Variants in TPTE observed in about 807,000 individuals in gnomAD.
The protein encoded by TPTE is transmembrane phosphatase with tensin homology.
A neutral mutation model predicts 84.1 loss-of-function variants in TPTE; 59 were observed. The observed-to-expected ratio is 0.70, with a 90% CI of 0.57 to 0.87. The LOEUF (loss-of-function observed/expected upper bound fraction) is 0.87. Ranked by LOEUF, TPTE falls within the 40% of genes least tolerant of loss-of-function variation. The pLI, the probability that TPTE is intolerant of heterozygous loss-of-function variation, is 0.00. For missense variants in TPTE, 382 were observed against 659.6 expected (o/e 0.58, Z 4.61); for synonymous variants, 130 against 223.5 (o/e 0.58, Z 3.73).
In TPTE at chr21:10,561,204, A is replaced by G. The variant is rs201177847; in HGVS notation, c.446+13A>G. The stretch of plus-strand genomic sequence containing the variant: ...TATTTGTAGAAAGGTAAGTTTGATT[A>G]TTTTTATAATGCATTAAGCTACTTT... On this transcript the variant is annotated intron_variant, in intron 10 of 23. Transcript: ENST00000618007. 6.2e-7 allele frequency: 1 copy of G among 1,611,104 alleles called. No individual in the cohort carries two copies. Among genetic ancestry groups the G allele is most frequent in the Non-Finnish European group, 8.5e-7 (1 of 1,179,564 alleles).
intron 17 of TPTE, among the ~76,000 whole-genome samples, chr21:10,585,182 A>T (rs2075340438): frequency 6.6e-6 from 1 of 152,308 alleles, no homozygotes. Context: ...GTGAGCCAAG[A>T]TCGCACCACT....
chr21:10,585,924 T>C (rs1171722268), intron 17 of TPTE, among the ~76,000 whole-genome samples: 2 of 152,272 alleles, frequency 1.3e-5, no homozygotes, highest in Non-Finnish European at 2.9e-5. Context: ...AGATGTTCCC[T>C]TTTTTATTCC....
chr21:10,566,231 G>A (rs1468044201), intron 10 of TPTE, among the ~76,000 whole-genome samples: 1 of 152,298 alleles, frequency 6.6e-6, no homozygotes, highest in African/African-American at 2.4e-5. Context: ...TATACAGATG[G>A]TAAACAGGCA....
At chr21:10,523,596 T>C (rs1467845183) in intron 1 of TPTE, among the ~76,000 whole-genome samples, 1 of 152,306 alleles carries the variant, frequency 6.6e-6, no homozygotes, top group African/African-American at 2.4e-5. Flanking sequence ...TGATTTCCAA[T>C]TTCATCCATG....
Position 10,592,324 on chromosome 21 carries a change from C to G in TPTE, c.1121C>G (p.Thr374Arg), listed in dbSNP as rs775033829. The G allele has an allele frequency of 6.2e-7, 1 of 1,613,340 alleles. No individual in the cohort carries two copies. Among genetic ancestry groups the G allele is most frequent in the East Asian group, 2.2e-5 (1 of 44,882 alleles). ...ESLYYFGERR[T>R]DKTHSEKFQG... Reference sequence around the variant, plus strand: ...CTGTATTATTTTGGAGAAAGGCGAACAGATAAAACCCACAGCGAAAAATTT... The same window carrying G: ...CTGTATTATTTTGGAGAAAGGCGAAGAGATAAAACCCACAGCGAAAAATTT... Residue 374 changes from threonine (T) to arginine (R), a missense_variant, in exon 19 of 24, where the codon ACA (threonine) becomes AGA (arginine). Thr to Arg is a moderately conservative substitution (Grantham distance 71, BLOSUM62 -1). Around this residue, in one of 10 missense-constraint regions of TPTE, gnomAD observed 19 missense variants for 59.2 expected, o/e 0.32. Coordinates refer to ENST00000618007, the MANE Select transcript of TPTE (RefSeq NM_199261.4).
intron 6 of TPTE, among the ~76,000 whole-genome samples, 170 bp downstream of exon 6, chr21:10,542,618 T>C (rs1400194358): frequency 6.6e-6 from 1 of 152,196 alleles, no homozygotes; most frequent in Non-Finnish European, 1.5e-5. Context: ...CATCCATCCA[T>C]CCACACGTCT....
chr21:10,551,299 G>C (rs112594628), intron 7 of TPTE, among the ~76,000 whole-genome samples: 169 of 147,754 alleles, frequency 1.1e-3, no homozygotes, highest in East Asian at 1.3e-3. Context: ...GGTAGGGGGA[G>C]GGGGGAGGGA....
At chr21:10,584,308 T>C (rs1252469918) in intron 17 of TPTE, among the ~76,000 whole-genome samples, 1 of 152,310 alleles carries the variant, frequency 6.6e-6, no homozygotes, top group Non-Finnish European at 1.5e-5. Flanking sequence ...TATTTATTAA[T>C]CTTGCAGTTA....
At chr21:10,566,528 TCACTATATAGAAGA>T (rs2074924925) in intron 10 of TPTE, among the ~76,000 whole-genome samples, 1 of 152,312 alleles carries the variant, frequency 6.6e-6, no homozygotes, top group South Asian at 2.1e-4. Context: ...AAAAAGGAAA[TCACTATATAGAAGA>T]GATATCTGCA....
chr21:10,522,749 TAATA>T (rs1193724424), intron 1 of TPTE, among the ~76,000 whole-genome samples: 23 of 152,292 alleles, frequency 1.5e-4, no homozygotes, highest in African/African-American at 4.8e-4. Context: ...AATTCGCACA[TAATA>T]AATTGTACAT....
chr21:10,540,254 T>C (rs1193268704), intron 4 of TPTE, among the ~76,000 whole-genome samples: 1 of 152,308 alleles, frequency 6.6e-6, no homozygotes, highest in Non-Finnish European at 1.5e-5. Flanking sequence ...CATACATACA[T>C]GCATTCGTAC....
intron 3 of TPTE, among the ~76,000 whole-genome samples, chr21:10,536,270 C>T (rs1038884601): frequency 1.1e-4 from 17 of 152,348 alleles, no homozygotes; most frequent in East Asian, 7.7e-4. Flanking sequence ...AGTGAGACTC[C>T]GCCTAAAAAA....
At chr21:10,579,218 G>T (rs1399292001) in intron 17 of TPTE, among the ~76,000 whole-genome samples, 1 of 152,310 alleles carries the variant, frequency 6.6e-6, no homozygotes, top group African/African-American at 2.4e-5. Context: ...CTGAAATTTT[G>T]CATCCTTTAA....
chr21:10,524,037 C>T (rs576290928), intron 1 of TPTE, among the ~76,000 whole-genome samples: 22 of 152,406 alleles, frequency 1.4e-4, no homozygotes, highest in South Asian at 1.0e-3. Context: ...GGGCCAAGCT[C>T]GTTCTATTCC....
At chr21:10,604,934 A>T (rs1382453321) in intron 23 of TPTE, among the ~76,000 whole-genome samples, 1 of 152,312 alleles carries the variant, frequency 6.6e-6, no homozygotes, top group Non-Finnish European at 1.5e-5. Flanking sequence ...AACACGAGGC[A>T]TAAATGGGTT....
chr21:10,559,586 A>T (rs749053946), intron 9 of TPTE, 42 bp downstream of exon 9: 1 of 1,611,812 alleles, frequency 6.2e-7, no homozygotes, highest in East Asian at 2.2e-5. Context: ...AATATATCTG[A>T]GACTTGGCTG....
At chr21:10,582,493 A>G (rs1375445791) in intron 17 of TPTE, among the ~76,000 whole-genome samples, 2 of 152,310 alleles carry the variant, frequency 1.3e-5, no homozygotes, top group Non-Finnish European at 2.9e-5. Context: ...AAACACTTTT[A>G]GGATTTTTAT....
chr21:10,525,962 C>T (rs1290737105), intron 2 of TPTE, among the ~76,000 whole-genome samples: 27 of 152,300 alleles, frequency 1.8e-4, no homozygotes, highest in Admixed American at 6.5e-5. Flanking sequence ...TTCTCTTCCT[C>T]AGTAGAGGAT....
rs759896199 is a variant in TPTE, at chr21:10,592,300, T to C, written c.1097T>C (p.Leu366Pro). The C allele has an allele frequency of 1.2e-6, 2 of 1,613,214 alleles. No individual in the cohort carries two copies. The highest frequency in any genetic ancestry group is 4.5e-5 in the East Asian group (2 of 44,888). ...SEICSTAKESLYYFGERRTDK... is the reference protein window; with the variant it reads ...SEICSTAKESPYYFGERRTDK... ...TTGTACCCTTTTTTGTAGGAAAGCC[T>C]GTATTATTTTGGAGAAAGGCGAACA... Residue 366 changes from leucine (L) to proline (P), a missense_variant, in exon 19 of 24, where the codon CTG (leucine) becomes CCG (proline). Around this residue, in one of 10 missense-constraint regions of TPTE, gnomAD observed 37 missense variants for 28.3 expected, o/e 1.31. Transcript: ENST00000618007.
Sources: allele counts gnomAD v4.1 joint callset (sites outside exome capture counted in the v4.1 genomes callset), GRCh38; gene constraint gnomAD v4.1.1; regional missense constraint gnomAD v4.1.1; transcripts MANE v1.5; gene names NCBI Gene and HGNC (gene_info 2026-07-23, HGNC 2026-07-21).